The following CNKSR2 variants were observed in gnomAD, a reference collection of about 807,000 sequenced individuals.
CNKSR2 encodes the protein connector enhancer of kinase suppressor of Ras 2, also known as CNK homolog protein 2.
In CNKSR2, 14 loss-of-function variants were observed where a neutral mutation model predicts 84.4. The ratio of observed to expected loss-of-function variants is 0.17; its 90% confidence interval spans 0.11 to 0.26. CNKSR2 has a LOEUF of 0.26. Ranked by LOEUF, CNKSR2 falls within the 10% of genes least tolerant of loss-of-function variation. CNKSR2 has a pLI of 1.00. For missense variants in CNKSR2, 485 were observed against 771.2 expected, an observed-to-expected ratio of 0.63 and a Z score of 4.40; for synonymous variants, 275 against 277.9, an observed-to-expected ratio of 0.99 and a Z score of 0.10.
intron 10 of CNKSR2, among the ~76,000 whole-genome samples, chrX:21,530,068 G>A (rs754188408): frequency 1.8e-5 from 2 of 110,802 alleles, no homozygotes; most frequent in African/African-American, 3.3e-5. Context: ...CAAGCTAGTT[G>A]CAGTCTCAAT....
At chrX:21,606,374 G>A (rs952070620) in intron 18 of CNKSR2, among the ~76,000 whole-genome samples, 2 of 111,970 alleles carry the variant, frequency 1.8e-5, no homozygotes, top group African/African-American at 6.5e-5. Flanking sequence ...AGCAATGTAT[G>A]TATTGCTTTT....
intron 8 of CNKSR2, chrX:21,504,659 G>A (rs2091594603): frequency 7.0e-6 from 2 of 285,355 alleles, no homozygotes; most frequent in Middle Eastern, 9.4e-4. Context: ...TGCTAGTATG[G>A]TATATCTTCA....
chrX:21,563,378 C>G lies in CNKSR2; in HGVS notation c.1534C>G (p.Leu512Val). The change falls in exon 13 of 22, where the codon CTA becomes GTA. Residue 512 changes from leucine to valine, a missense_variant. Physicochemically the swap from Leu to Val is conservative, Grantham distance 32. Around this residue, in one of 5 missense-constraint regions of CNKSR2, gnomAD observed 132 missense variants for 166.7 expected, o/e 0.79. Coordinates refer to ENST00000379510, the MANE Select transcript of CNKSR2 (RefSeq NM_014927.5). Reference sequence around the variant, plus strand: ...TAATAGCCCAACTCACTATTCATTGCTACCTAGTTTACAAATGGATGCACT... The same window carrying G: ...TAATAGCCCAACTCACTATTCATTGGTACCTAGTTTACAAATGGATGCACT... ...KSNSPTHYSL[L>V]PSLQMDALRQ... is the part of the protein sequence containing the mutation. The G allele has an allele frequency of 2.5e-6, 3 of 1,210,329 alleles. No individual in the cohort carries two copies. The highest frequency in any genetic ancestry group is 3.4e-6 in the Non-Finnish European group (3 of 894,466).
intron 1 of CNKSR2, among the ~76,000 whole-genome samples, chrX:21,378,608 T>C (rs1243227968): frequency 9.0e-6 from 1 of 111,344 alleles, no homozygotes; most frequent in Admixed American, 9.6e-5. Context: ...TTATTAACTT[T>C]ATTATTAATT....
At chrX:21,620,601 T>C (rs190080694) in intron 20 of CNKSR2, among the ~76,000 whole-genome samples, 66 of 111,443 alleles carry the variant, frequency 5.9e-4, no homozygotes, top group Middle Eastern at 9.2e-3. Flanking sequence ...AGGCATTTCA[T>C]GTTGAAGAGC....
rs33962399 is a variant in CNKSR2, at chrX:21,648,794, C to CTTTTTTTTT, written c.2693-20_2693-12dup. The CTTTTTTTTT allele has an allele frequency of 3.0e-3, 941 of 315,166 alleles. 23 individuals are homozygous for CTTTTTTTTT. The highest frequency in any genetic ancestry group is 3.9e-3 in the Middle Eastern group (4 of 1,016). The allele number at this position is 315,166 out of a possible 1,213,427, so 26.0% of individuals were successfully genotyped here. On this transcript the variant is annotated intron_variant, in intron 20 of 21. Coordinates refer to ENST00000379510, the MANE Select transcript of CNKSR2 (RefSeq NM_014927.5). ...TTTCTCTCTCTCTCTCTCTCTCTTTCTTTTTTTTTTTTTTTTTTTTTTTTT... is the reference window on the plus strand; with the variant it reads ...TTTCTCTCTCTCTCTCTCTCTCTTTCTTTTTTTTTTTTTTTTTTTTTTTTTTTTTTTTTT...
At chrX:21,510,761 C>G (rs1160603944) in intron 8 of CNKSR2, among the ~76,000 whole-genome samples, 1 of 111,790 alleles carries the variant, frequency 8.9e-6, no homozygotes, top group Non-Finnish European at 1.9e-5. Flanking sequence ...TAATGACCTT[C>G]TTGGGAAATT....
chrX:21,517,435 A>G (rs2091738991), intron 9 of CNKSR2, among the ~76,000 whole-genome samples: 1 of 109,892 alleles, frequency 9.1e-6, no homozygotes, highest in South Asian at 3.9e-4. Context: ...TTCTCTTTCC[A>G]CCCTGTAAGG....
chrX:21,554,485 C>G (rs887268509), intron 11 of CNKSR2, among the ~76,000 whole-genome samples: 4 of 111,176 alleles, frequency 3.6e-5, no homozygotes, highest in African/African-American at 1.3e-4. Flanking sequence ...CCTCCTCCCA[C>G]CTTCCACCCT....
intron 4 of CNKSR2, among the ~76,000 whole-genome samples, chrX:21,447,337 T>C (rs1362180092): frequency 1.8e-5 from 2 of 111,658 alleles, no homozygotes; most frequent in Non-Finnish European, 3.8e-5. Flanking sequence ...ATGCTCATCT[T>C]TACAGCTGTG....
At chrX:21,596,053 C>A (rs897390215) in intron 17 of CNKSR2, among the ~76,000 whole-genome samples, 2 of 111,485 alleles carry the variant, frequency 1.8e-5, no homozygotes, top group African/African-American at 6.5e-5. Flanking sequence ...AATTTTCCTC[C>A]TTTCTATAAC....
intron 4 of CNKSR2, among the ~76,000 whole-genome samples, chrX:21,468,437 G>C (rs371284585): frequency 9.0e-6 from 1 of 110,820 alleles, no homozygotes; most frequent in African/African-American, 3.3e-5. Flanking sequence ...TTTGACTAGG[G>C]GGAATCTCTT....
intron 1 of CNKSR2, among the ~76,000 whole-genome samples, chrX:21,418,632 G>C (rs1381602412): frequency 2.7e-5 from 3 of 110,794 alleles, no homozygotes; most frequent in Non-Finnish European, 5.7e-5. Flanking sequence ...TGGCCTATAA[G>C]TTTTCCACCG....
intron 4 of CNKSR2, among the ~76,000 whole-genome samples, chrX:21,465,038 G>A (rs1403411183): frequency 8.9e-6 from 1 of 111,755 alleles, no homozygotes; most frequent in East Asian, 2.8e-4. Context: ...TGTTCAGTGT[G>A]TTCACACACT....
chrX:21,420,011 C>G (rs1436586538), intron 1 of CNKSR2, among the ~76,000 whole-genome samples: 1 of 112,438 alleles, frequency 8.9e-6, no homozygotes, highest in Non-Finnish European at 1.9e-5. Context: ...CTGGGTGGGT[C>G]CAGAGGTGCT....
chrX:21,563,375 T>G lies in CNKSR2; in HGVS notation c.1531T>G (p.Leu511Val). ...GAGTAATAGCCCAACTCACTATTCA[T>G]TGCTACCTAGTTTACAAATGGATGC... is the stretch of plus-strand genomic sequence containing the variant. The part of the protein sequence containing the change: ...DKSNSPTHYS[L>V]LPSLQMDALR... Residue 511 changes from leucine (L) to valine (V), a missense_variant, in exon 13 of 22, where the codon TTG becomes GTG. This residue lies in a region of CNKSR2 where 132 missense variants were observed against 166.7 expected (regional missense o/e 0.79). Coordinates refer to ENST00000379510, the MANE Select transcript of CNKSR2 (RefSeq NM_014927.5). 8.3e-7 allele frequency: 1 copy of G among 1,210,601 alleles called. No homozygotes were observed. Among genetic ancestry groups the G allele is most frequent in the Non-Finnish European group, 1.1e-6 (1 of 894,632 alleles).
chrX:21,645,619 G>T (rs1237397246), intron 20 of CNKSR2: 1 of 111,132 alleles, frequency 9.0e-6, no homozygotes, highest in Non-Finnish European at 1.9e-5. Flanking sequence ...TGTTCCAGTG[G>T]CTGAACTGGC....
chrX:21,531,664 C>A (rs762342719), intron 10 of CNKSR2, among the ~76,000 whole-genome samples, 192 bp from the exon 11 acceptor site: 1 of 111,168 alleles, frequency 9.0e-6, no homozygotes, highest in South Asian at 3.7e-4. Flanking sequence ...AGTTGTTTAG[C>A]CTTTCTGAGA....
At chrX:21,480,835 G>C (rs1333533227) in intron 5 of CNKSR2, among the ~76,000 whole-genome samples, 9 of 112,117 alleles carry the variant, frequency 8.0e-5, no homozygotes, top group African/African-American at 2.9e-4. Context: ...TTATCTTAAA[G>C]TGTAATTTTT....
Sources: gnomAD v4.1 joint callset for allele counts (sites outside exome capture counted in the v4.1 genomes callset) on GRCh38, gnomAD v4.1.1 for gene constraint, gnomAD v4.1.1 regional missense constraint, MANE v1.5 for transcripts, NCBI Gene and HGNC (gene_info 2026-07-23, HGNC 2026-07-21) for gene names.